The following VCAM1 variants were observed in gnomAD, a reference collection of about 807,000 sequenced individuals.
The protein encoded by VCAM1 is vascular cell adhesion protein 1.
Under a neutral mutation model 63.8 loss-of-function variants are expected in VCAM1, and 41 were observed. The ratio of observed to expected loss-of-function variants is 0.64; its 90% CI spans 0.50 to 0.83. The LOEUF is 0.83. Ranked by LOEUF, VCAM1 falls within the 40% of genes least tolerant of loss-of-function variation. The probability of loss-of-function intolerance (pLI) is 0.00; values close to 1 mark genes in which losing one functional copy is unlikely to be tolerated. For missense variants in VCAM1, 798 were observed against 875.5 expected (o/e 0.91, Z 1.12); for synonymous variants, 338 against 320.7 (o/e 1.05, Z -0.58).
rs541848206 is a variant in VCAM1, at chr1:100,733,576, C to G, written c.1792+892C>G. ...GGATGGGGAAAGAATTTCAAATCAA[C>G]TTACAAAATAGAAGACCTTAATAGG... is the stretch of plus-strand genomic sequence containing the variant. On this transcript the variant is annotated intron_variant, in intron 7 of 8. Transcript: ENST00000294728. 2.9e-4 allele frequency among the ~76,000 whole-genome samples: 44 copies of G among 152,262 alleles called. No individual in the cohort carries two copies. The Middle Eastern group carries it at 0.014, about 47-fold the overall frequency.
chr1:100,724,481 A>G, intron 3 of VCAM1, 143 bp from the exon 4 acceptor site: 1 of 915,848 alleles, frequency 1.1e-6, no homozygotes, highest in South Asian at 1.8e-5. Context: ...ACTATTTTGA[A>G]TGATTCAGCA....
At chr1:100,730,472 C>G (rs1660410890) in intron 5 of VCAM1, among the ~76,000 whole-genome samples, 1 of 152,124 alleles carries the variant, frequency 6.6e-6, no homozygotes, top group African/African-American at 2.4e-5. Context: ...CTGATTTGTA[C>G]TGTATTATAA....
At chr1:100,725,794 A>C (rs1443851671) in intron 4 of VCAM1, among the ~76,000 whole-genome samples, 1 of 152,066 alleles carries the variant, frequency 6.6e-6, no homozygotes, top group East Asian at 1.9e-4. Context: ...TTAATTGATA[A>C]ATCATGATTG....
rs140774226 is a variant in VCAM1 at position 100,730,228 on chromosome 1, G to C, written c.1204+846G>C. Among the ~76,000 whole-genome samples, 18 of 152,168 alleles carry C rather than the reference G, an allele frequency of 1.2e-4. 1 individual carries two copies. In the East Asian group the frequency reaches 3.1e-3, roughly 26 times the overall value. Reference sequence around the variant, plus strand: ...GTTCAGAATGAGTTAGAGTATGCCTGTAAAGGGATTTGGGTCTCTCCAAAG... The same window carrying C: ...GTTCAGAATGAGTTAGAGTATGCCTCTAAAGGGATTTGGGTCTCTCCAAAG... On this transcript the variant is annotated intron_variant, in intron 5 of 8. Coordinates refer to ENST00000294728, the MANE Select transcript of VCAM1 (RefSeq NM_001078.4).
chr1:100,728,676 T>G (rs1425667077), intron 4 of VCAM1, among the ~76,000 whole-genome samples: 1 of 150,952 alleles, frequency 6.6e-6, no homozygotes, highest in African/African-American at 2.4e-5. Flanking sequence ...GAAGAAAGAA[T>G]AGTACTAGTG....
In VCAM1 at chr1:100,731,194, G is replaced by A. The variant is rs1490913709; in HGVS notation, c.1205-4G>A. ...TAAAAATCGTTTTTGCTTGCGATTT[G>A]CAGCATTCCCTAGAGATCCAGAAAT... On this transcript the variant is annotated splice_region_variant and splice_polypyrimidine_tract_variant and intron_variant, in intron 5 of 8. Coordinates refer to ENST00000294728, the MANE Select transcript of VCAM1 (RefSeq NM_001078.4). The surrounding 1 kb of genome is among the most constrained non-coding windows in gnomAD (Gnocchi z 4.2). The A allele has an allele frequency of 1.3e-6, 2 of 1,576,406 alleles. No homozygotes were observed. Among genetic ancestry groups the A allele is most frequent in the Non-Finnish European group, 1.7e-6 (2 of 1,163,534 alleles).
At chr1:100,726,965 C>T (rs1443761705) in intron 4 of VCAM1, among the ~76,000 whole-genome samples, 1 of 151,818 alleles carries the variant, frequency 6.6e-6, no homozygotes, top group African/African-American at 2.4e-5. Flanking sequence ...AGTACAAGAC[C>T]AGCCTCGGCA....
chr1:100,729,412 T>TC, intron 5 of VCAM1, 30 bp downstream of exon 5: 1 of 1,510,364 alleles, frequency 6.6e-7, no homozygotes, highest in Non-Finnish European at 8.8e-7. Context: ...GTTTACTGTT[T>TC]TTTTTTTTCA....
chr1:100,736,203 C>T (rs1266133644), intron 8 of VCAM1: 1 of 152,200 alleles, frequency 6.6e-6, no homozygotes, highest in Non-Finnish European at 1.5e-5. Context: ...AAATTAGCCA[C>T]TTACACAGTT....
chr1:100,731,526 C>T lies in VCAM1; in HGVS notation c.1525+8C>T. The T allele has an allele frequency of 1.2e-6, 2 of 1,608,066 alleles. No homozygotes were observed. The highest frequency in any genetic ancestry group is 1.7e-6 in the Non-Finnish European group (2 of 1,176,886). The stretch of plus-strand genomic sequence containing the variant: ...AAACACTTTATGTCAATGGTAAGTA[C>T]ATATGTGAGGTATCTACAGTTTAAT... On this transcript the variant is annotated splice_region_variant and intron_variant, in intron 6 of 8. Transcript: ENST00000294728. The surrounding 1 kb of genome is among the most constrained non-coding windows in gnomAD (Gnocchi z 4.2).
At position 100,731,857 on chromosome 1, in the gene VCAM1, T is replaced by C. The variant is rs1244616976; in HGVS notation, c.1525+339T>C. ...GACTTCACCCACATGTCTGGAGCCATATCTTGGATGACTTGGCCTCTCTTT... is the reference window on the plus strand; with the variant it reads ...GACTTCACCCACATGTCTGGAGCCACATCTTGGATGACTTGGCCTCTCTTT... On this transcript the variant is annotated intron_variant, in intron 6 of 8. Coordinates refer to ENST00000294728, the MANE Select transcript of VCAM1 (RefSeq NM_001078.4). This position sits in a 1 kb window ranked among gnomAD's most constrained non-coding sequence, Gnocchi z 4.2. Among the ~76,000 whole-genome samples the C allele has an allele frequency of 6.6e-6, 1 of 152,146 alleles. No homozygotes were observed. The highest frequency in any genetic ancestry group is 2.4e-5 in the African/African-American group (1 of 41,438).
intron 8 of VCAM1, chr1:100,737,480 C>T (rs1660697963): frequency 1.3e-5 from 2 of 152,052 alleles, no homozygotes; most frequent in South Asian, 4.1e-4. Flanking sequence ...AACATTTAAG[C>T]TGTAACATAA....
intron 8 of VCAM1, chr1:100,737,395 C>T (rs1408276878): frequency 6.6e-6 from 1 of 152,010 alleles, no homozygotes; most frequent in African/African-American, 2.4e-5. Context: ...GAAGGGAAAA[C>T]GAGTGGGTTT....
chr1:100,736,266 G>C (rs901064947), intron 8 of VCAM1: 2 of 152,022 alleles, frequency 1.3e-5, no homozygotes, highest in East Asian at 3.8e-4. Flanking sequence ...TAAGCGCTCA[G>C]CTAGAAACTC....
In VCAM1 at chr1:100,738,240, A is replaced by G. The variant is rs752679660; in HGVS notation, c.2177A>G (p.Lys726Arg). Reference sequence around the variant, plus strand: ...TACTTTGCAAGAAAAGCCAACATGAAGGGGTCATATAGTCTTGTAGAAGCA... The same window carrying G: ...TACTTTGCAAGAAAAGCCAACATGAGGGGGTCATATAGTCTTGTAGAAGCA... ...IIYFARKANM[K>R]GSYSLVEAQK... The change falls in exon 9 of 9, where the codon AAG becomes AGG. Residue 726 changes from lysine (K) to arginine (R), a missense_variant. Lys to Arg is a conservative substitution (Grantham distance 26, BLOSUM62 2). Transcript: ENST00000294728. 6.2e-6 allele frequency: 10 copies of G among 1,613,776 alleles called. No individual in the cohort carries two copies. Among genetic ancestry groups the G allele is most frequent in the Admixed American group, 5.0e-5 (3 of 60,028 alleles).
At chr1:100,737,950 A>T (rs1660715340) in intron 8 of VCAM1, 173 bp from the exon 9 acceptor site, 4 of 636,926 alleles carry the variant, frequency 6.3e-6, no homozygotes, top group Non-Finnish European at 1.1e-5. Context: ...CCAACTGATT[A>T]TTTGGATAAT....
Position 100,731,146 on chromosome 1 carries a change from A to C in VCAM1, c.1205-52A>C. ...CTTTACATTTAATAAAGCTTAGCTC[A>C]ATTTTTCCTTGAATATCAAGAATAA... On this transcript the variant is annotated intron_variant, in intron 5 of 8. Coordinates refer to ENST00000294728, the MANE Select transcript of VCAM1 (RefSeq NM_001078.4). This position sits in a 1 kb window ranked among gnomAD's most constrained non-coding sequence, Gnocchi z 4.2. 6.5e-7 allele frequency: 1 copy of C among 1,530,248 alleles called. No homozygotes were observed. The highest frequency in any genetic ancestry group is 8.8e-7 in the Non-Finnish European group (1 of 1,141,324). The allele number at this position is 1,530,248 out of a possible 1,614,324, so 94.8% of individuals were successfully genotyped here.
intron 8 of VCAM1, chr1:100,735,640 A>G (rs937580888): frequency 2.6e-5 from 4 of 152,262 alleles, no homozygotes; most frequent in African/African-American, 9.6e-5. Flanking sequence ...AACAGGTAAA[A>G]TTTTTGTTCG....
In VCAM1 at chr1:100,732,400, G is replaced by A. The variant is rs777198820; in HGVS notation, c.1526-18G>A. 23 of 1,526,656 alleles carry A rather than the reference G, an allele frequency of 1.5e-5. No individual in the cohort carries two copies. Among genetic ancestry groups the A allele is most frequent in the Non-Finnish European group, 1.8e-5 (21 of 1,139,542 alleles). The allele number at this position is 1,526,656 out of a possible 1,614,324, so 94.6% of individuals were successfully genotyped here. A position where few individuals can be genotyped will look rare whatever the true frequency, so the allele number is the denominator to read the frequency against. On this transcript the variant is annotated intron_variant, in intron 6 of 8. Coordinates refer to ENST00000294728, the MANE Select transcript of VCAM1 (RefSeq NM_001078.4). ...AGGGCATAATAGGTCAAGCTAACAA[G>A]CGTCTCTGCCTTTTCAGTTGCCCCC...
Sources: gnomAD v4.1 joint callset for allele counts (sites outside exome capture counted in the v4.1 genomes callset) on GRCh38, gnomAD v4.1.1 for gene constraint, Gnocchi (gnomAD v3.1) non-coding constraint, MANE v1.5 for transcripts, NCBI Gene and HGNC (gene_info 2026-07-23, HGNC 2026-07-21) for gene names.